Variants in TLCD4 observed in about 807,000 individuals in gnomAD.
The protein encoded by TLCD4 is TLC domain-containing protein 4.
Under a neutral mutation model 24.2 loss-of-function variants are expected in TLCD4, and 7 were observed. That is an observed-to-expected ratio of 0.29 (90% CI 0.16 to 0.54). The LOEUF (loss-of-function observed/expected upper bound fraction) is 0.54. Among genes scored for constraint, TLCD4 ranks in the 20% least tolerant of loss-of-function variants. The pLI, the probability that TLCD4 is intolerant of heterozygous loss-of-function variation, is 0.95. For synonymous variants in TLCD4, 103 were observed against 106.4 expected, an observed-to-expected ratio of 0.97 and a Z score of 0.20; for missense variants, 259 against 313.9, an observed-to-expected ratio of 0.82 and a Z score of 1.32.
intron 1 of TLCD4, chr1:95,138,170 A>G (rs1677100483): frequency 6.6e-6 from 1 of 152,162 alleles, no homozygotes; most frequent in Admixed American, 6.5e-5. Context: ...CTTGGAAAGC[A>G]GGGAGCATTC....
chr1:95,099,192 G>C, the TLCD4 span, among the ~76,000 whole-genome samples: 3 of 152,106 alleles, frequency 2.0e-5, no homozygotes, highest in Non-Finnish European at 4.4e-5. Flanking sequence ...CTTTGGGAGG[G>C]TGAGGCGGGC....
intron 5 of TLCD4, among the ~76,000 whole-genome samples, chr1:95,168,946 G>T (rs1678116995): frequency 6.6e-6 from 1 of 152,208 alleles, no homozygotes; most frequent in African/African-American, 2.4e-5. Flanking sequence ...TCCCAGCTAA[G>T]AGTTAAGGGG....
At chr1:95,154,375 TA>T (rs1256356333) in intron 5 of TLCD4, among the ~76,000 whole-genome samples, 9 of 152,118 alleles carry the variant, frequency 5.9e-5, no homozygotes, top group Admixed American at 2.0e-4. Flanking sequence ...ATAAATTGAG[TA>T]CTGATGTTTG....
the TLCD4 span, among the ~76,000 whole-genome samples, chr1:95,107,283 C>T: frequency 0.018 from 2,771 of 152,122 alleles, 82 homozygotes; most frequent in African/African-American, 0.064. Context: ...ATTAGCCGGG[C>T]GTGGTGGTGG....
At chr1:95,133,616 A>T (rs1378939272) in intron 1 of TLCD4, among the ~76,000 whole-genome samples, 1 of 152,048 alleles carries the variant, frequency 6.6e-6, no homozygotes, top group East Asian at 1.9e-4. Flanking sequence ...GTGAAGTAGG[A>T]TGGGGGTCAT....
chr1:95,179,190 A>T (rs1456811341), intron 6 of TLCD4, among the ~76,000 whole-genome samples: 6 of 152,250 alleles, frequency 3.9e-5, no homozygotes. Context: ...TCAATTCCTT[A>T]GTCTAACTTT....
chr1:95,167,888 C>T (rs1258840095), intron 5 of TLCD4, among the ~76,000 whole-genome samples: 2 of 152,190 alleles, frequency 1.3e-5, no homozygotes, highest in African/African-American at 4.8e-5. Context: ...TTCCAGAGCT[C>T]AGGGTCTTTG....
At chr1:95,134,151 G>A (rs1416950006) in intron 1 of TLCD4, among the ~76,000 whole-genome samples, 1 of 152,150 alleles carries the variant, frequency 6.6e-6, no homozygotes, top group African/African-American at 2.4e-5. Flanking sequence ...GGTGGGTAAG[G>A]TGGCATGGAA....
intron 6 of TLCD4, among the ~76,000 whole-genome samples, chr1:95,181,717 C>T (rs949015756): frequency 6.6e-6 from 1 of 152,068 alleles, no homozygotes; most frequent in African/African-American, 2.4e-5. Flanking sequence ...CTGCCTCAGC[C>T]TCCCTGAGTA....
At position 95,192,485 on chromosome 1, in the gene TLCD4, A is replaced by G. The variant is rs993914774; in HGVS notation, c.*617A>G. The G allele has an allele frequency of 6.6e-6, 1 of 152,266 alleles. No individual in the cohort carries two copies. The highest frequency in any genetic ancestry group is 1.5e-5 in the Non-Finnish European group (1 of 68,068). 9.4% of individuals were successfully genotyped at this position (152,266 alleles called of 1,614,324 possible). ...TGCATTGGTATTTTTTCTCTGTGAA[A>G]GATGACTATGATAATCTGGTACAAA... On this transcript the variant is annotated 3_prime_UTR_variant, in exon 7 of 7. Coordinates refer to ENST00000370203, the MANE Select transcript of TLCD4 (RefSeq NM_152487.3).
At chr1:95,096,931 G>C in the TLCD4 span, among the ~76,000 whole-genome samples, 4 of 152,136 alleles carry the variant, frequency 2.6e-5, no homozygotes, top group African/African-American at 4.8e-5. Context: ...AGAAATACAA[G>C]TAACTTAGAA....
the TLCD4 span, among the ~76,000 whole-genome samples, chr1:95,112,265 T>A: frequency 6.6e-6 from 1 of 151,852 alleles, no homozygotes. Context: ...AGACAATAGA[T>A]AAGAAAGATA....
chr1:95,130,586 G>A lies in TLCD4; in HGVS notation c.-12+12969G>A, dbSNP rs78281420. ...ACTCAGAATGGGTGTAGGATGGTATGCCTTTTTTGGCCAGGGTTTTTTATT... is the reference window on the plus strand; with the variant it reads ...ACTCAGAATGGGTGTAGGATGGTATACCTTTTTTGGCCAGGGTTTTTTATT... On this transcript the variant is annotated intron_variant, in intron 1 of 6. Coordinates refer to ENST00000370203, the MANE Select transcript of TLCD4 (RefSeq NM_152487.3). Among the ~76,000 whole-genome samples, 892 of 152,300 alleles carry A rather than the reference G, an allele frequency of 5.9e-3. 10 individuals carry two copies. Among genetic ancestry groups the A allele is most frequent in the African/African-American group, 0.021 (853 of 41,564 alleles).
intron 6 of TLCD4, among the ~76,000 whole-genome samples, chr1:95,187,697 T>C (rs1443097257): frequency 6.6e-6 from 1 of 152,194 alleles, no homozygotes; most frequent in Non-Finnish European, 1.5e-5. Flanking sequence ...GCCCTCCCCC[T>C]GCCCCTTCCA....
the TLCD4 span, among the ~76,000 whole-genome samples, chr1:95,110,745 C>T: frequency 6.6e-5 from 10 of 151,594 alleles, no homozygotes; most frequent in Non-Finnish European, 1.3e-4. Flanking sequence ...AAAAAAGTAG[C>T]CAGGTGTGGT....
intron 6 of TLCD4, among the ~76,000 whole-genome samples, chr1:95,189,570 G>A (rs945643273): frequency 2.0e-5 from 3 of 152,010 alleles, no homozygotes; most frequent in Non-Finnish European, 2.9e-5. Flanking sequence ...CACTCTTTCC[G>A]AAACTCTGGT....
chr1:95,118,539 T>C (rs988011732), intron 1 of TLCD4, among the ~76,000 whole-genome samples: 1 of 152,212 alleles, frequency 6.6e-6, no homozygotes, highest in Non-Finnish European at 1.5e-5. Flanking sequence ...GAAGAGTTTG[T>C]GTGGACCCTA....
intron 6 of TLCD4, among the ~76,000 whole-genome samples, chr1:95,176,963 T>G (rs1187089169): frequency 5.3e-5 from 8 of 152,206 alleles, no homozygotes; most frequent in African/African-American, 1.4e-4. Context: ...AGGGTTTAAT[T>G]TCTACAGTAG....
At chr1:95,146,893 A>T (rs1037446981) in intron 2 of TLCD4, among the ~76,000 whole-genome samples, 1 of 152,142 alleles carries the variant, frequency 6.6e-6, no homozygotes, top group Non-Finnish European at 1.5e-5. Context: ...CTGAGGCCTG[A>T]GTGTCAGAAA....
Sources: allele counts gnomAD v4.1 joint callset (sites outside exome capture counted in the v4.1 genomes callset), GRCh38; gene constraint gnomAD v4.1.1; transcripts MANE v1.5; gene names NCBI Gene and HGNC (gene_info 2026-07-23, HGNC 2026-07-21).